Variants in ADAMTS9 observed in about 807,000 individuals in gnomAD.
ADAMTS9 encodes the protein A disintegrin and metalloproteinase with thrombospondin motifs 9.
A neutral mutation model predicts 257.1 loss-of-function variants in ADAMTS9; 107 were observed. The observed-to-expected ratio is 0.42, with a 90% confidence interval of 0.36 to 0.49. The LOEUF (loss-of-function observed/expected upper bound fraction) is 0.49, where lower values mean the gene tolerates loss of function less well. ADAMTS9 is among the 20% of genes least tolerant of loss of function. ADAMTS9 has a pLI of 0.03. For synonymous variants in ADAMTS9, 982 were observed against 880.9 expected (o/e 1.11, Z -2.03); for missense variants, 2,353 against 2,469.1 (o/e 0.95, Z 1.00).
intron 16 of ADAMTS9, among the ~76,000 whole-genome samples, chr3:64,630,646 A>G (rs992612819): frequency 1.3e-5 from 2 of 152,200 alleles, no homozygotes; most frequent in Non-Finnish European, 2.9e-5. Context: ...AAGGGAGAGC[A>G]TCAGGAAAAA....
chr3:64,533,265 A>G lies in ADAMTS9; in HGVS notation c.5619T>C (p.Arg1873=). The change falls in exon 38 of 40, where the codon CGT becomes CGC. Residue 1873 remains arginine (R), a synonymous_variant. Coordinates refer to ENST00000498707, the MANE Select transcript of ADAMTS9 (RefSeq NM_182920.2). ...CGGTTCCATAAAGGTTGATGCTAAA[A>G]CGACCCTGGAAAACACGACCAACAA... The part of the protein sequence containing the change: ...CYSAAKCPQG[R]FSINLYGTGL... The G allele has an allele frequency of 6.2e-7, 1 of 1,613,900 alleles. No homozygotes were observed. Among genetic ancestry groups the G allele is most frequent in the Non-Finnish European group, 8.5e-7 (1 of 1,179,772 alleles).
At chr3:64,543,736 C>T (rs1467411757) in intron 32 of ADAMTS9, among the ~76,000 whole-genome samples, 1 of 152,190 alleles carries the variant, frequency 6.6e-6, no homozygotes, top group Non-Finnish European at 1.5e-5. Context: ...CTCACCACTC[C>T]TATTCAACAT....
chr3:64,542,901 C>A (rs1176445801), intron 32 of ADAMTS9, among the ~76,000 whole-genome samples: 1 of 143,600 alleles, frequency 7.0e-6, no homozygotes, highest in Non-Finnish European at 1.5e-5. Context: ...AGAGAAGAAT[C>A]AAATAGACAC....
At chr3:64,592,232 T>C (rs946731609) in intron 28 of ADAMTS9, 3 of 152,224 alleles carry the variant, frequency 2.0e-5, no homozygotes, top group Admixed American at 6.5e-5. Context: ...AGGCTTCGCA[T>C]ATTTGAATAA....
intron 30 of ADAMTS9, among the ~76,000 whole-genome samples, chr3:64,552,195 G>C (rs1480290297): frequency 1.3e-5 from 2 of 152,226 alleles, no homozygotes; most frequent in Non-Finnish European, 2.9e-5. Flanking sequence ...CTCTTTGTGA[G>C]GTAGACGGGA....
At chr3:64,520,852 A>C (rs1683093683) in intron 39 of ADAMTS9, among the ~76,000 whole-genome samples, 1 of 152,174 alleles carries the variant, frequency 6.6e-6, no homozygotes, top group African/African-American at 2.4e-5. Flanking sequence ...TTCTAGAAGA[A>C]AACCCAGGAA....
At position 64,604,032 on chromosome 3, in the gene ADAMTS9, T is replaced by C. The variant is rs778999222; in HGVS notation, c.3637A>G (p.Asn1213Asp). ...GCACTCTCGTCAGCCACAGAGCCAT[T>C]CTCATCTCGGCAGCTGACGTATCTC... ...RMRYVSCRDE[N>D]GSVADESACA... Residue 1213 changes from asparagine to aspartate, a missense_variant, in exon 25 of 40, where the codon AAT (asparagine) becomes GAT (aspartate). Transcript: ENST00000498707. 1.9e-6 allele frequency: 3 copies of C among 1,613,976 alleles called. No homozygotes were observed. Among genetic ancestry groups the C allele is most frequent in the Middle Eastern group, 1.7e-4 (1 of 6,060 alleles).
chr3:64,553,562 G>A (rs777412099), intron 30 of ADAMTS9, among the ~76,000 whole-genome samples: 12 of 152,018 alleles, frequency 7.9e-5, no homozygotes, highest in South Asian at 2.1e-4. Context: ...ATATATACCT[G>A]GGAGTGGAAT....
In ADAMTS9 at chr3:64,547,607, G is replaced by A. The variant is rs182116147; in HGVS notation, c.4870-655C>T. ...CGCTCAATGAAACCTCCGTCTCCCA[G>A]GTTCAAGTGATTCTCATGCCTCAGC... On this transcript the variant is annotated intron_variant, in intron 31 of 39. Transcript: ENST00000498707. Among the ~76,000 whole-genome samples, 4 of 144,820 alleles carry A rather than the reference G, an allele frequency of 2.8e-5. No individual in the cohort carries two copies. The Admixed American group carries it at 2.8e-4, about 10-fold the overall frequency.
At position 64,528,901 on chromosome 3, in the gene ADAMTS9, C is replaced by G. The variant is rs540867503; in HGVS notation, c.5718+4265G>C. ...CCCCATTTTCCTGGAAGTTAAATAA[C>G]TTGCCCAAGATGGCAGAGCCAGTGG... On this transcript the variant is annotated intron_variant, in intron 38 of 39. Transcript: ENST00000498707. Among the ~76,000 whole-genome samples the G allele has an allele frequency of 7.9e-5, 12 of 151,710 alleles. No individual in the cohort carries two copies. In the East Asian group the frequency reaches 2.4e-3, roughly 30 times the overall value.
At chr3:64,625,583 G>C (rs1000198632) in intron 16 of ADAMTS9, among the ~76,000 whole-genome samples, 2 of 152,100 alleles carry the variant, frequency 1.3e-5, no homozygotes, top group African/African-American at 4.8e-5. Flanking sequence ...CCAGGATTAG[G>C]AATTAACTGC....
At chr3:64,613,230 C>G in intron 22 of ADAMTS9, 115 bp downstream of exon 22, 4 of 1,294,494 alleles carry the variant, frequency 3.1e-6, no homozygotes, top group Non-Finnish European at 4.2e-6. Flanking sequence ...TGGAGGTGTC[C>G]TGCATGCCAC....
At chr3:64,593,357 A>G (rs1238515764) in intron 28 of ADAMTS9, among the ~76,000 whole-genome samples, 1 of 152,172 alleles carries the variant, frequency 6.6e-6, no homozygotes, top group Non-Finnish European at 1.5e-5. Flanking sequence ...CATACTGGGT[A>G]AAAAAACATT....
chr3:64,604,364 A>G, intron 23 of ADAMTS9, 33 bp from the exon 24 acceptor site: 1 of 1,468,650 alleles, frequency 6.8e-7, no homozygotes, highest in Non-Finnish European at 9.3e-7. Flanking sequence ...AAACAAAGTC[A>G]CTTTCAAGTC....
At chr3:64,567,066 A>G (rs1271919082) in intron 29 of ADAMTS9, among the ~76,000 whole-genome samples, 1 of 152,206 alleles carries the variant, frequency 6.6e-6, no homozygotes, top group Non-Finnish European at 1.5e-5. Context: ...AAAGGCCTTG[A>G]GAGGCATGAG....
intron 38 of ADAMTS9, among the ~76,000 whole-genome samples, chr3:64,532,786 A>G (rs1012095147): frequency 1.3e-5 from 2 of 152,230 alleles, no homozygotes; most frequent in African/African-American, 2.4e-5. Context: ...TTTTCTAAAT[A>G]AAAAGAAGAG....
rs1438330199 is a variant in ADAMTS9 at position 64,516,209 on chromosome 3, T to G, written c.*918A>C. On this transcript the variant is annotated 3_prime_UTR_variant, in exon 40 of 40. Coordinates refer to ENST00000498707, the MANE Select transcript of ADAMTS9 (RefSeq NM_182920.2). ...ATCCTGTGTCTTTCTACTGGTAAACTTGGATGTCATTTTAGAGTATCTTGG... is the reference window on the plus strand; with the variant it reads ...ATCCTGTGTCTTTCTACTGGTAAACGTGGATGTCATTTTAGAGTATCTTGG... 1 of 152,518 alleles carries G rather than the reference T, an allele frequency of 6.6e-6. No homozygotes were observed. Among genetic ancestry groups the G allele is most frequent in the African/African-American group, 2.4e-5 (1 of 41,446 alleles). 9.4% of individuals were successfully genotyped at this position (152,518 alleles called of 1,614,324 possible).
At chr3:64,581,152 G>A (rs2083988520) in intron 28 of ADAMTS9, among the ~76,000 whole-genome samples, 1 of 152,128 alleles carries the variant, frequency 6.6e-6, no homozygotes, top group African/African-American at 2.4e-5. Flanking sequence ...ATAAATGAGG[G>A]CCTTTGTTAT....
At chr3:64,654,723 G>T (rs1176512657) in intron 6 of ADAMTS9, 111 bp from the exon 7 acceptor site, 30 of 1,256,268 alleles carry the variant, frequency 2.4e-5, no homozygotes, top group Non-Finnish European at 3.2e-5. Context: ...TTGGGGTGGG[G>T]GTTAAAAAAA....
Sources: allele counts gnomAD v4.1 joint callset (sites outside exome capture counted in the v4.1 genomes callset), GRCh38; gene constraint gnomAD v4.1.1; transcripts MANE v1.5; gene names NCBI Gene and HGNC (gene_info 2026-07-23, HGNC 2026-07-21).